The following ANTKMT variants were observed in gnomAD, a reference collection of about 807,000 sequenced individuals.
ANTKMT encodes the protein adenine nucleotide translocase lysine methyltransferase.
Under a neutral mutation model 20.7 loss-of-function variants are expected in ANTKMT, and 24 were observed. That is an observed-to-expected ratio of 1.16 (90% CI 0.84 to 1.63). The LOEUF is 1.63. ANTKMT is among the 40% of genes most tolerant of loss of function. The pLI is 0.00. For synonymous variants in ANTKMT, 193 were observed against 161.2 expected, an observed-to-expected ratio of 1.20 and a Z score of -1.49; for missense variants, 428 against 334.8, an observed-to-expected ratio of 1.28 and a Z score of -2.17.
chr16:722,104 C>CA lies in ANTKMT; in HGVS notation c.431dup (p.Asn144LysfsTer9). The stretch of plus-strand genomic sequence containing the variant: ...GGCAGGTGAGCCTGAGGGACTGCCG[C>CA]AACGTGTCTGTGTTCCTGGCCCCTA... On this transcript the variant is annotated frameshift_variant, in exon 4 of 5. Transcript: ENST00000569529. LOFTEE classifies it low-confidence loss of function (END_TRUNC). 6.2e-7 allele frequency: 1 copy of CA among 1,608,884 alleles called. No homozygotes were observed. The highest frequency in any genetic ancestry group is 1.1e-5 in the South Asian group (1 of 90,386).
Position 721,353 on chromosome 16 carries a change from G to A in ANTKMT, c.79G>A (p.Ala27Thr), listed in dbSNP as rs745969740. The change falls in exon 1 of 5, where the codon GCG (alanine) becomes ACG (threonine). Residue 27 changes from alanine to threonine, a missense_variant. By Grantham distance (58) the Ala-to-Thr change is moderately conservative. Transcript: ENST00000569529. ...GGGCGCGCTGGAGCTGCTGCAGGCGGCGGCCGGCTCGGGCTTGGCAGCCTA... is the reference window on the plus strand; with the variant it reads ...GGGCGCGCTGGAGCTGCTGCAGGCGACGGCCGGCTCGGGCTTGGCAGCCTA... ...RLGALELLQA[A>T]AGSGLAAYAV... 3.5e-4 allele frequency: 472 copies of A among 1,338,734 alleles called. 1 individual carries two copies. The highest frequency in any genetic ancestry group is 1.0e-4 in the Non-Finnish European group (107 of 1,046,134). The allele number at this position is 1,338,734 out of a possible 1,614,324, so 82.9% of individuals were successfully genotyped here. A position where few individuals can be genotyped will look rare whatever the true frequency, so the allele number is the denominator to read the frequency against.
Position 721,907 on chromosome 16 carries a change from GCAGCGTCTGCTAT to G in ANTKMT, c.376_388del (p.Ser126AlafsTer8). 1.9e-6 allele frequency: 3 copies of G among 1,571,590 alleles called. 1 individual carries two copies. The South Asian group carries it at 3.4e-5, about 18-fold the overall frequency. ...CACGCCTGGAGGGCCGGCTGTGCCG[GCAGCGTCTGCTAT>G]CGCCGCAAGGATCTCTGGAAGGTAA... is the stretch of plus-strand genomic sequence containing the variant. On this transcript the variant is annotated frameshift_variant, in exon 3 of 5. Coordinates refer to ENST00000569529, the MANE Select transcript of ANTKMT (RefSeq NM_023933.3). LOFTEE classifies it high-confidence loss of function.
At position 722,102 on chromosome 16, in the gene ANTKMT, C is replaced by T. The variant is rs143857437; in HGVS notation, c.427C>T (p.Arg143Cys). The change falls in exon 4 of 5, where the codon CGC becomes TGC. Residue 143 changes from arginine to cysteine, a missense_variant. Arg to Cys is a radical substitution (Grantham distance 180). Transcript: ENST00000569529. ...DLWKVSLRDC[R>C]NVSVFLAPSV... Reference sequence around the variant, plus strand: ...CCGGCAGGTGAGCCTGAGGGACTGCCGCAACGTGTCTGTGTTCCTGGCCCC... The same window carrying T: ...CCGGCAGGTGAGCCTGAGGGACTGCTGCAACGTGTCTGTGTTCCTGGCCCC... 51 of 1,608,386 alleles carry T rather than the reference C, an allele frequency of 3.2e-5. No individual in the cohort carries two copies. The highest frequency in any genetic ancestry group is 4.0e-5 in the Non-Finnish European group (47 of 1,178,794).
Position 721,792 on chromosome 16 carries a change from T to TGCCCACAGGTGCTGGCG in ANTKMT, c.272_288dup. 5.8e-6 allele frequency: 9 copies of TGCCCACAGGTGCTGGCG among 1,538,790 alleles called. No individual in the cohort carries two copies. Among genetic ancestry groups the TGCCCACAGGTGCTGGCG allele is most frequent in the Non-Finnish European group, 7.0e-6 (8 of 1,144,568 alleles). The stretch of plus-strand genomic sequence containing the variant: ...CACATCCTGGTTCCCACACTCTCGG[T>TGCCCACAGGTGCTGGCG]GCCCACAGGTGCTGGCGGCCCACAG... On this transcript the variant is annotated splice_polypyrimidine_tract_variant and intron_variant, in intron 2 of 4. Coordinates refer to ENST00000569529, the MANE Select transcript of ANTKMT (RefSeq NM_023933.3).
At chr16:721,509 G>C in intron 1 of ANTKMT, 73 bp downstream of exon 1, 1 of 1,435,136 alleles carries the variant, frequency 7.0e-7, no homozygotes, top group Middle Eastern at 2.5e-4. Flanking sequence ...GCGTGGCCGG[G>C]GTGAGCTCCG....
Position 721,279 on chromosome 16 carries a change from A to AAT in ANTKMT, c.5_6insAT (p.Gln3CysfsTer9). ...CGAGCCGCGCGTCCCGCAGCCATGG[A>AAT]GCAGGACGACCCGGTCGAGGCGCTG... On this transcript the variant is annotated frameshift_variant, in exon 1 of 5. Coordinates refer to ENST00000569529, the MANE Select transcript of ANTKMT (RefSeq NM_023933.3). LOFTEE classifies it high-confidence loss of function. 1 of 1,319,582 alleles carries AAT rather than the reference A, an allele frequency of 7.6e-7. No homozygotes were observed. Among genetic ancestry groups the AAT allele is most frequent in the Non-Finnish European group, 9.6e-7 (1 of 1,036,310 alleles). The allele number at this position is 1,319,582 out of a possible 1,614,324, so 81.7% of individuals were successfully genotyped here. A position where few individuals can be genotyped will look rare whatever the true frequency, so the allele number is the denominator to read the frequency against.
rs2040217814 is a variant in ANTKMT, at chr16:721,229, CG to C, written c.-45del. 8.2e-7 allele frequency: 1 copy of C among 1,224,728 alleles called. No homozygotes were observed. Among genetic ancestry groups the C allele is most frequent in the Non-Finnish European group, 1.0e-6 (1 of 981,682 alleles). The allele number at this position is 1,224,728 out of a possible 1,614,324, so 75.9% of individuals were successfully genotyped here. A position where few individuals can be genotyped will look rare whatever the true frequency, so the allele number is the denominator to read the frequency against. On this transcript the variant is annotated 5_prime_UTR_variant, in exon 1 of 5. Coordinates refer to ENST00000569529, the MANE Select transcript of ANTKMT (RefSeq NM_023933.3). ...GGCCAGGCTGCGAGGGCCGCGGACC[CG>C]AGCCGGGAAGGACCTTGGGCGGACG...
Position 722,084 on chromosome 16 carries a change from G to C in ANTKMT, c.409G>C (p.Val137Leu). 6.2e-7 allele frequency: 1 copy of C among 1,605,854 alleles called. No homozygotes were observed. The highest frequency in any genetic ancestry group is 8.5e-7 in the Non-Finnish European group (1 of 1,177,968). ...GCCGGGGCGACTTCTCTTCCGGCAG[G>C]TGAGCCTGAGGGACTGCCGCAACGT... ...VCYRRKDLWK[V>L]SLRDCRNVSV... The change falls in exon 4 of 5, where the codon GTG becomes CTG. Residue 137 changes from valine to leucine, a missense_variant and splice_region_variant. Val to Leu is a conservative substitution (Grantham distance 32). Transcript: ENST00000569529.
chr16:722,031 G>A (rs1363356360), intron 3 of ANTKMT, 53 bp from the exon 4 acceptor site: 1 of 1,564,384 alleles, frequency 6.4e-7, no homozygotes, highest in Non-Finnish European at 8.6e-7. Flanking sequence ...AAGCTGCGAT[G>A]ACCCGGTGCC....
chr16:722,230 T>C, intron 4 of ANTKMT, 79 bp from the exon 5 acceptor site: 8 of 1,585,254 alleles, frequency 5.0e-6, no homozygotes, highest in Non-Finnish European at 6.8e-6. Flanking sequence ...GGTGCTAGGC[T>C]TGGGGCTAGG....
chr16:721,262 G>A lies in ANTKMT; in HGVS notation c.-13G>A. On this transcript the variant is annotated 5_prime_UTR_variant, in exon 1 of 5. Transcript: ENST00000569529. ...GAAGGACCTTGGGCGGACGAGCCGCGCGTCCCGCAGCCATGGAGCAGGACG... is the reference window on the plus strand; with the variant it reads ...GAAGGACCTTGGGCGGACGAGCCGCACGTCCCGCAGCCATGGAGCAGGACG... 1.6e-6 allele frequency: 2 copies of A among 1,268,012 alleles called. No individual in the cohort carries two copies. The highest frequency in any genetic ancestry group is 8.6e-5 in the Admixed American group (2 of 23,350). The allele number at this position is 1,268,012 out of a possible 1,614,324, so 78.5% of individuals were successfully genotyped here.
In ANTKMT at chr16:721,297, A is replaced by C; in HGVS notation, c.23A>C (p.Glu8Ala). 7.5e-7 allele frequency: 1 copy of C among 1,339,992 alleles called. No individual in the cohort carries two copies. Among genetic ancestry groups the C allele is most frequent in the Non-Finnish European group, 9.6e-7 (1 of 1,046,606 alleles). 83.0% of individuals were successfully genotyped at this position (1,339,992 alleles called of 1,614,324 possible). A position where few individuals can be genotyped will look rare whatever the true frequency, so the allele number is the denominator to read the frequency against. Residue 8 changes from glutamate (E) to alanine (A), a missense_variant, in exon 1 of 5, where the codon GAG becomes GCG. Glu to Ala is a moderately radical substitution (Grantham distance 107). Coordinates refer to ENST00000569529, the MANE Select transcript of ANTKMT (RefSeq NM_023933.3). ...GCCATGGAGCAGGACGACCCGGTCG[A>C]GGCGCTGACGGAGCTGCGCGAGCGG... MEQDDPV[E>A]ALTELRERRL...
Position 722,074 on chromosome 16 carries a change from C to T in ANTKMT, c.409-10C>T, listed in dbSNP as rs1263157887. The T allele has an allele frequency of 1.9e-6, 3 of 1,602,520 alleles. No individual in the cohort carries two copies. The highest frequency in any genetic ancestry group is 1.7e-4 in the Middle Eastern group (1 of 6,038). ...CCTCTCCCCGGCCGGGGCGACTTCT[C>T]TTCCGGCAGGTGAGCCTGAGGGACT... On this transcript the variant is annotated splice_polypyrimidine_tract_variant and intron_variant, in intron 3 of 4. Coordinates refer to ENST00000569529, the MANE Select transcript of ANTKMT (RefSeq NM_023933.3).
At position 722,588 on chromosome 16, in the gene ANTKMT, C is replaced by T. The variant is rs772403335; in HGVS notation, c.*31C>T. ...AGACACGATAAAGACTCTGTGGGTTCTATCCTGACTCATGTTTTATGGGGG... is the reference window on the plus strand; with the variant it reads ...AGACACGATAAAGACTCTGTGGGTTTTATCCTGACTCATGTTTTATGGGGG... On this transcript the variant is annotated 3_prime_UTR_variant, in exon 5 of 5. Transcript: ENST00000569529. 1.7e-6 allele frequency: 2 copies of T among 1,160,184 alleles called. No homozygotes were observed. The highest frequency in any genetic ancestry group is 1.7e-5 in the African/African-American group (1 of 58,896). 71.9% of individuals were successfully genotyped at this position (1,160,184 alleles called of 1,614,324 possible). A position where few individuals can be genotyped will look rare whatever the true frequency, so the allele number is the denominator to read the frequency against.
chr16:721,300 C>A lies in ANTKMT; in HGVS notation c.26C>A (p.Ala9Glu). 2 of 1,343,168 alleles carry A rather than the reference C, an allele frequency of 1.5e-6. No homozygotes were observed. Among genetic ancestry groups the A allele is most frequent in the African/African-American group, 1.5e-5 (1 of 65,158 alleles). The allele number at this position is 1,343,168 out of a possible 1,614,324, so 83.2% of individuals were successfully genotyped here. MEQDDPVE[A>E]LTELRERRLG... ...ATGGAGCAGGACGACCCGGTCGAGG[C>A]GCTGACGGAGCTGCGCGAGCGGCGG... is the stretch of plus-strand genomic sequence containing the variant. The change falls in exon 1 of 5, where the codon GCG (alanine) becomes GAG (glutamate). Residue 9 changes from alanine (A) to glutamate (E), a missense_variant. Coordinates refer to ENST00000569529, the MANE Select transcript of ANTKMT (RefSeq NM_023933.3).
Position 721,273 on chromosome 16 carries a change from C to A in ANTKMT, c.-2C>A. The A allele has an allele frequency of 7.7e-7, 1 of 1,291,394 alleles. No individual in the cohort carries two copies. The highest frequency in any genetic ancestry group is 9.8e-7 in the Non-Finnish European group (1 of 1,020,098). 80.0% of individuals were successfully genotyped at this position (1,291,394 alleles called of 1,614,324 possible). On this transcript the variant is annotated 5_prime_UTR_variant, in exon 1 of 5. Transcript: ENST00000569529. ...GGCGGACGAGCCGCGCGTCCCGCAG[C>A]CATGGAGCAGGACGACCCGGTCGAG...
At position 721,972 on chromosome 16, in the gene ANTKMT, CA is replaced by C. The variant is rs770661510; in HGVS notation, c.408+32del. The C allele has an allele frequency of 3.7e-5, 58 of 1,560,186 alleles. No homozygotes were observed. The East Asian group carries it at 1.3e-3, about 35-fold the overall frequency. ...CTGGGGATCCCTGGCCACCCGCTGA[CA>C]GCCCAAGGTGCGGCTGACACCTGCG... On this transcript the variant is annotated intron_variant, in intron 3 of 4. Coordinates refer to ENST00000569529, the MANE Select transcript of ANTKMT (RefSeq NM_023933.3).
In ANTKMT at chr16:721,381, C is replaced by A; in HGVS notation, c.107C>A (p.Ala36Glu). 1 of 1,315,610 alleles carries A rather than the reference C, an allele frequency of 7.6e-7. No homozygotes were observed. The highest frequency in any genetic ancestry group is 2.1e-5 in the South Asian group (1 of 48,104). The allele number at this position is 1,315,610 out of a possible 1,614,324, so 81.5% of individuals were successfully genotyped here. Residue 36 changes from alanine (A) to glutamate (E), a missense_variant, in exon 1 of 5, where the codon GCG becomes GAG. By Grantham distance (107) the Ala-to-Glu change is moderately radical. Transcript: ENST00000569529. Reference protein sequence around the residue: ...AAAGSGLAAYAVWALLLQPGF... With the variant: ...AAAGSGLAAYEVWALLLQPGF... Reference sequence around the variant, plus strand: ...GCCGGCTCGGGCTTGGCAGCCTACGCGGTGTGGGCGCTGCTGCTCCAGCCC... The same window carrying A: ...GCCGGCTCGGGCTTGGCAGCCTACGAGGTGTGGGCGCTGCTGCTCCAGCCC...
At chr16:722,033 C>T (rs543620888) in intron 3 of ANTKMT, 51 bp from the exon 4 acceptor site, 2 of 1,567,606 alleles carry the variant, frequency 1.3e-6, no homozygotes, top group African/African-American at 1.3e-5. Flanking sequence ...GCTGCGATGA[C>T]CCGGTGCCCA....
Sources: gnomAD v4.1 joint callset for allele counts on GRCh38, gnomAD v4.1.1 for gene constraint, MANE v1.5 for transcripts, NCBI Gene and HGNC (gene_info 2026-07-23, HGNC 2026-07-21) for gene names.